FMN1: variants seen among roughly 807,000 people sequenced by gnomAD.
FMN1 encodes formin-1.
A neutral mutation model predicts 132.4 loss-of-function variants in FMN1; 110 were observed. The observed-to-expected ratio is 0.83, with a 90% CI of 0.71 to 0.97. FMN1 has a LOEUF of 0.97. FMN1 is among the 50% of genes least tolerant of loss of function. FMN1 has a pLI of 0.00. For synonymous variants in FMN1, 722 were observed against 651.7 expected (o/e 1.11, Z -1.64); for missense variants, 1,792 against 1,705.3 (o/e 1.05, Z -0.90).
At chr15:32,822,051 T>C (rs912276968) in intron 17 of FMN1, among the ~76,000 whole-genome samples, 2 of 152,166 alleles carry the variant, frequency 1.3e-5, no homozygotes, top group African/African-American at 2.4e-5. Context: ...ATTTTCAACT[T>C]GAAGAAGTAC....
intron 6 of FMN1, among the ~76,000 whole-genome samples, chr15:33,036,282 C>T (rs1301068357): frequency 1.3e-5 from 2 of 151,404 alleles, no homozygotes; most frequent in African/African-American, 4.9e-5. Flanking sequence ...AGGAGATACT[C>T]AAGCAATACT....
At chr15:32,911,734 T>C (rs2060565803) in intron 10 of FMN1, among the ~76,000 whole-genome samples, 1 of 152,084 alleles carries the variant, frequency 6.6e-6, no homozygotes, top group Non-Finnish European at 1.5e-5. Flanking sequence ...CCTAGATACA[T>C]GGAACAGAGA....
At chr15:32,976,001 AAAG>A (rs1312168161) in intron 7 of FMN1, among the ~76,000 whole-genome samples, 3 of 152,174 alleles carry the variant, frequency 2.0e-5, no homozygotes, top group Admixed American at 1.3e-4. Flanking sequence ...TGTCTGTCAA[AAAG>A]AAGGTGGAAA....
At chr15:33,013,096 G>C (rs2034825280) in intron 6 of FMN1, 1 of 414,252 alleles carries the variant, frequency 2.4e-6, no homozygotes, top group African/African-American at 2.0e-5. Flanking sequence ...AGCTTAGTAG[G>C]AGAGTAGAGC....
intron 15 of FMN1, among the ~76,000 whole-genome samples, chr15:32,889,176 G>C (rs986496916): frequency 6.6e-6 from 1 of 152,158 alleles, no homozygotes; most frequent in African/African-American, 2.4e-5. Context: ...TTAGGAGACC[G>C]AGGGCAGGGT....
At chr15:32,837,937 C>T (rs968844228) in intron 17 of FMN1, among the ~76,000 whole-genome samples, 1 of 152,164 alleles carries the variant, frequency 6.6e-6, no homozygotes, top group African/African-American at 2.4e-5. Flanking sequence ...AGTCCTCATG[C>T]TGAATGGATC....
intron 9 of FMN1, among the ~76,000 whole-genome samples, chr15:32,943,903 G>A (rs562605675): frequency 6.2e-4 from 95 of 152,298 alleles, no homozygotes; most frequent in Non-Finnish European, 1.1e-3. Flanking sequence ...AAGAAGTGAT[G>A]CAAAACGATG....
intron 9 of FMN1, among the ~76,000 whole-genome samples, chr15:32,963,537 C>T (rs1008824873): frequency 6.6e-6 from 1 of 151,656 alleles, no homozygotes; most frequent in African/African-American, 2.4e-5. Context: ...GTGGTTAGTC[C>T]AATTAAAGAA....
chr15:32,811,511 T>C (rs545798279), intron 17 of FMN1, among the ~76,000 whole-genome samples: 1 of 151,950 alleles, frequency 6.6e-6, no homozygotes, highest in African/African-American at 2.4e-5. Context: ...CACTACACTC[T>C]GAAGAGGTCT....
chr15:33,097,587 G>A lies in FMN1; in HGVS notation c.1868-8613C>T, dbSNP rs140382433. 3.7e-3 allele frequency among the ~76,000 whole-genome samples: 556 copies of A among 152,280 alleles called. 5 individuals carry two copies. Among genetic ancestry groups the A allele is most frequent in the African/African-American group, 0.013 (539 of 41,572 alleles). On this transcript the variant is annotated intron_variant, in intron 4 of 20. Coordinates refer to ENST00000616417, the MANE Select transcript of FMN1 (RefSeq NM_001277313.2). ...AGAACATGCAGCCCAAAAGACAGTGGAAAGAGAACTTTAAAGTGTCGAAAC... is the reference window on the plus strand; with the variant it reads ...AGAACATGCAGCCCAAAAGACAGTGAAAAGAGAACTTTAAAGTGTCGAAAC...
intron 5 of FMN1, among the ~76,000 whole-genome samples, chr15:33,078,467 G>A (rs1314329255): frequency 6.6e-6 from 1 of 152,168 alleles, no homozygotes; most frequent in African/African-American, 2.4e-5. Flanking sequence ...GAAATATTCT[G>A]AAGAAATGCT....
chr15:32,872,044 T>A (rs888445658), intron 16 of FMN1, among the ~76,000 whole-genome samples: 1 of 152,114 alleles, frequency 6.6e-6, no homozygotes, highest in Non-Finnish European at 1.5e-5. Flanking sequence ...GTAGCTCTTT[T>A]TTTTTTTTTT....
chr15:33,113,746 C>CA (rs1394476702), intron 4 of FMN1, among the ~76,000 whole-genome samples: 1 of 152,202 alleles, frequency 6.6e-6, no homozygotes, highest in Admixed American at 6.5e-5. Flanking sequence ...TGCTCCACCT[C>CA]AGAGCCAGCT....
chr15:33,026,781 G>A (rs1007452856), intron 6 of FMN1, among the ~76,000 whole-genome samples: 21 of 152,178 alleles, frequency 1.4e-4, no homozygotes, highest in Non-Finnish European at 8.8e-5. Context: ...TCGACAGAGA[G>A]TGGAATTTTC....
chr15:32,779,510 T>G (rs993212975), intron 19 of FMN1, among the ~76,000 whole-genome samples: 1 of 152,098 alleles, frequency 6.6e-6, no homozygotes, highest in Non-Finnish European at 1.5e-5. Flanking sequence ...CAAGTAAAAC[T>G]GAAAGCATGT....
chr15:32,915,766 G>A (rs2060669605), intron 10 of FMN1, among the ~76,000 whole-genome samples: 1 of 152,208 alleles, frequency 6.6e-6, no homozygotes, highest in Non-Finnish European at 1.5e-5. Flanking sequence ...CATTGCTACT[G>A]CAATATCAAT....
chr15:33,072,452 C>T (rs1033532367), intron 5 of FMN1, among the ~76,000 whole-genome samples: 1 of 151,190 alleles, frequency 6.6e-6, no homozygotes, highest in Non-Finnish European at 1.5e-5. Flanking sequence ...AGCATTTGAC[C>T]TACGTGATAT....
chr15:32,781,630 C>T (rs9806473), intron 19 of FMN1, among the ~76,000 whole-genome samples: 11,891 of 152,178 alleles, frequency 0.078, 1,170 homozygotes, highest in African/African-American at 0.22. Flanking sequence ...TGCTTTTGGA[C>T]TGGCAATACA....
chr15:33,121,605 T>C lies in FMN1; in HGVS notation c.1867+31443A>G, dbSNP rs892501183. ...GTGCAGTGGCGCAATCTTGGCTCACTGCAACCTCCACCTCCCGGGTTCAAC... is the reference window on the plus strand; with the variant it reads ...GTGCAGTGGCGCAATCTTGGCTCACCGCAACCTCCACCTCCCGGGTTCAAC... On this transcript the variant is annotated intron_variant, in intron 4 of 20. Transcript: ENST00000616417. Among the ~76,000 whole-genome samples, 3 of 152,200 alleles carry C rather than the reference T, an allele frequency of 2.0e-5. No homozygotes were observed. In the East Asian group the frequency reaches 5.8e-4, roughly 29 times the overall value.
Sources: gnomAD v4.1 joint callset for allele counts (sites outside exome capture counted in the v4.1 genomes callset) on GRCh38, gnomAD v4.1.1 for gene constraint, MANE v1.5 for transcripts, NCBI Gene and HGNC (gene_info 2026-07-23, HGNC 2026-07-21) for gene names.